Variants in SLC36A1 observed in about 807,000 individuals in gnomAD.
SLC36A1 encodes proton-coupled amino acid transporter 1.
Under a neutral mutation model 47.5 loss-of-function variants are expected in SLC36A1, and 30 were observed. The ratio of observed to expected loss-of-function variants is 0.63; its 90% CI spans 0.47 to 0.86. The LOEUF (loss-of-function observed/expected upper bound fraction) is 0.86, where lower values mean the gene tolerates loss of function less well. Ranked by LOEUF, SLC36A1 falls within the 40% of genes least tolerant of loss-of-function variation. The probability of loss-of-function intolerance (pLI) is 0.00; values close to 1 mark genes in which losing one functional copy is unlikely to be tolerated. For missense variants in SLC36A1, 517 were observed against 606.0 expected (o/e 0.85, Z 1.54); for synonymous variants, 255 against 249.7 (o/e 1.02, Z -0.20).
At chr5:151,376,365 C>T in the SLC36A1 span, among the ~76,000 whole-genome samples, 1 of 152,104 alleles carries the variant, frequency 6.6e-6, no homozygotes, top group African/African-American at 2.4e-5. Flanking sequence ...TTTCAAAGAA[C>T]CAACTTTTTG....
At chr5:151,354,743 C>A in the SLC36A1 span, among the ~76,000 whole-genome samples, 1 of 152,184 alleles carries the variant, frequency 6.6e-6, no homozygotes, top group African/African-American at 2.4e-5. Context: ...TTGGCACTAA[C>A]TCCTGTTGTC....
chr5:151,474,178 A>AAAAAAAAAAGAGAG (rs776318482), intron 8 of SLC36A1, among the ~76,000 whole-genome samples: 13 of 119,014 alleles, frequency 1.1e-4, no homozygotes, highest in African/African-American at 2.2e-4. Context: ...AAAAAAAAAA[A>AAAAAAAAAAGAGAG]AGAAATTATC....
At chr5:151,349,452 G>T in the SLC36A1 span, among the ~76,000 whole-genome samples, 8 of 152,094 alleles carry the variant, frequency 5.3e-5, no homozygotes, top group African/African-American at 1.9e-4. Flanking sequence ...CGAAGCCCTG[G>T]GTTCCGCTAT....
chr5:151,463,534 T>C lies in SLC36A1; in HGVS notation c.144-19T>C. The C allele has an allele frequency of 6.3e-7, 1 of 1,584,028 alleles. No individual in the cohort carries two copies. The highest frequency in any genetic ancestry group is 8.7e-7 in the Non-Finnish European group (1 of 1,152,516). On this transcript the variant is annotated intron_variant, in intron 2 of 10. Transcript: ENST00000243389. Reference sequence around the variant, plus strand: ...TTAACTGTCATGGTTATCATTTCCTTGGCTGTCTTCCACTTCAGATGGTTC... The same window carrying C: ...TTAACTGTCATGGTTATCATTTCCTCGGCTGTCTTCCACTTCAGATGGTTC...
chr5:151,350,855 C>G, the SLC36A1 span, among the ~76,000 whole-genome samples: 1 of 152,024 alleles, frequency 6.6e-6, no homozygotes, highest in African/African-American at 2.4e-5. Flanking sequence ...GTGCATGACA[C>G]CATGCCTAAT....
At chr5:151,476,779 C>A in intron 9 of SLC36A1, 23 bp downstream of exon 9, 2 of 1,610,302 alleles carry the variant, frequency 1.2e-6, no homozygotes, top group Non-Finnish European at 1.7e-6. Flanking sequence ...AGGATGGAAA[C>A]CTAGGAGCAC....
chr5:151,537,089 G>A, the SLC36A1 span, among the ~76,000 whole-genome samples: 1,755 of 152,084 alleles, frequency 0.012, 31 homozygotes, highest in African/African-American at 0.039. Flanking sequence ...AAGATCCTCC[G>A]TAGCCAAAGT....
the SLC36A1 span, among the ~76,000 whole-genome samples, chr5:151,365,710 C>A: frequency 6.6e-6 from 1 of 152,200 alleles, no homozygotes; most frequent in Non-Finnish European, 1.5e-5. Context: ...TGACTCCACC[C>A]CTTACTAACT....
At chr5:151,400,484 T>C in the SLC36A1 span, among the ~76,000 whole-genome samples, 1 of 152,192 alleles carries the variant, frequency 6.6e-6, no homozygotes, top group Non-Finnish European at 1.5e-5. Context: ...GCATGTGTCT[T>C]TTTGGTAGAA....
At chr5:151,422,262 G>A in the SLC36A1 span, 3 of 152,272 alleles carry the variant, frequency 2.0e-5, no homozygotes, top group Non-Finnish European at 2.9e-5. Flanking sequence ...GAGAGTTGAA[G>A]AGGTATGTTA....
At chr5:151,509,883 C>T in the SLC36A1 span, 1 of 1,000,506 alleles carries the variant, frequency 1.0e-6, no homozygotes, top group Non-Finnish European at 1.5e-6. Flanking sequence ...GGACCACTGC[C>T]CTAACAGATG....
chr5:151,357,633 A>G, the SLC36A1 span, among the ~76,000 whole-genome samples: 1 of 152,218 alleles, frequency 6.6e-6, no homozygotes, highest in Non-Finnish European at 1.5e-5. Flanking sequence ...TCATTTACGT[A>G]TTGTTTAAAT....
the SLC36A1 span, among the ~76,000 whole-genome samples, chr5:151,392,389 G>T: frequency 6.6e-6 from 1 of 152,072 alleles, no homozygotes; most frequent in African/African-American, 2.4e-5. Context: ...GATTTTTTGT[G>T]TCTCTATCTC....
chr5:151,435,855 G>A (rs1759744280), upstream of SLC36A1, among the ~76,000 whole-genome samples: 1 of 150,982 alleles, frequency 6.6e-6, no homozygotes, highest in Non-Finnish European at 1.5e-5. Flanking sequence ...ACAATAAATA[G>A]AATAATTTTG....
chr5:151,542,677 A>G, the SLC36A1 span: 1 of 1,614,220 alleles, frequency 6.2e-7, no homozygotes, highest in Non-Finnish European at 8.5e-7. Context: ...AGTCACTTGA[A>G]TGACTGAGGT....
chr5:151,463,524 A>G (rs772608758), intron 2 of SLC36A1, 29 bp from the exon 3 acceptor site: 8 of 1,529,732 alleles, frequency 5.2e-6, no homozygotes, highest in East Asian at 2.2e-5. Flanking sequence ...TGTCATGGTT[A>G]TCATTTCCTT....
the SLC36A1 span, among the ~76,000 whole-genome samples, chr5:151,546,981 A>G: frequency 6.6e-6 from 1 of 152,198 alleles, no homozygotes; most frequent in African/African-American, 2.4e-5. Context: ...CCTAAACTCT[A>G]GGCATTCTCA....
chr5:151,534,453 A>G, the SLC36A1 span: 3 of 1,613,712 alleles, frequency 1.9e-6, no homozygotes, highest in East Asian at 2.2e-5. Flanking sequence ...AGGGGTCTTC[A>G]CTGTGGTGTT....
the SLC36A1 span, among the ~76,000 whole-genome samples, chr5:151,410,446 A>G: frequency 2.1e-5 from 3 of 144,746 alleles, no homozygotes; most frequent in Admixed American, 2.0e-4. Flanking sequence ...AGTTTTTTGT[A>G]TTGTTTATGA....
Sources: allele counts gnomAD v4.1 joint callset (sites outside exome capture counted in the v4.1 genomes callset), GRCh38; gene constraint gnomAD v4.1.1; transcripts MANE v1.5; gene names NCBI Gene and HGNC (gene_info 2026-07-23, HGNC 2026-07-21).